Variants in DPP6 observed in about 807,000 individuals in gnomAD.
DPP6 encodes the protein A-type potassium channel modulatory protein DPP6.
Under a neutral mutation model 122.6 loss-of-function variants are expected in DPP6, and 69 were observed. That is an observed-to-expected ratio of 0.56 (90% CI 0.46 to 0.69). The LOEUF (loss-of-function observed/expected upper bound fraction) is 0.69, where lower values mean the gene tolerates loss of function less well. Ranked by LOEUF, DPP6 falls within the 30% of genes least tolerant of loss-of-function variation. DPP6 has a pLI of 0.00. For missense variants in DPP6, 928 were observed against 1,116.9 expected, an observed-to-expected ratio of 0.83 and a Z score of 2.41; for synonymous variants, 418 against 433.1, an observed-to-expected ratio of 0.97 and a Z score of 0.43.
At chr7:153,896,605 TACC>T (rs1799425219) in intron 1 of DPP6, among the ~76,000 whole-genome samples, 1 of 152,078 alleles carries the variant, frequency 6.6e-6, no homozygotes, top group African/African-American at 2.4e-5. Flanking sequence ...AGGAATTTGA[TACC>T]AGCCTGTGCA....
At chr7:154,830,474 G>A (rs548720618) in intron 16 of DPP6, among the ~76,000 whole-genome samples, 8 of 152,330 alleles carry the variant, frequency 5.3e-5, no homozygotes, top group South Asian at 2.1e-4. Flanking sequence ...CTGTATAAAC[G>A]TTGTGACATA....
intron 5 of DPP6, among the ~76,000 whole-genome samples, chr7:154,584,967 A>G (rs778626407): frequency 3.8e-4 from 58 of 152,186 alleles, no homozygotes; most frequent in Non-Finnish European, 6.0e-4. Context: ...GTGCAATTCT[A>G]TGAGCTTTAA....
At chr7:154,732,272 A>G (rs1253720868) in intron 8 of DPP6, among the ~76,000 whole-genome samples, 1 of 151,798 alleles carries the variant, frequency 6.6e-6, no homozygotes, top group Admixed American at 6.6e-5. Context: ...GGTCTCAGTC[A>G]TCTTCGTTAT....
At position 154,061,619 on chromosome 7, in the gene DPP6, G is replaced by C. The variant is rs11768992; in HGVS notation, c.243+8556G>C. Among the ~76,000 whole-genome samples, 77 of 129,590 alleles carry C rather than the reference G, an allele frequency of 5.9e-4. 6 individuals carry two copies. Among genetic ancestry groups the C allele is most frequent in the African/African-American group, 7.5e-4 (25 of 33,420 alleles). 85.0% of individuals were successfully genotyped at this position (129,590 alleles called of 152,430 possible). A position where few individuals can be genotyped will look rare whatever the true frequency, so the allele number is the denominator to read the frequency against. Reference sequence around the variant, plus strand: ...CTGGCTCTTGGGACTCCCATCACAGGGGGGGGAGGCACCCGCTGCGAGGCG... The same window carrying C: ...CTGGCTCTTGGGACTCCCATCACAGCGGGGGGAGGCACCCGCTGCGAGGCG... On this transcript the variant is annotated intron_variant, in intron 1 of 25. Coordinates refer to ENST00000377770, the MANE Select transcript of DPP6 (RefSeq NM_130797.4).
chr7:154,548,795 T>C (rs1432288281), intron 4 of DPP6, among the ~76,000 whole-genome samples: 2 of 152,182 alleles, frequency 1.3e-5, no homozygotes, highest in Non-Finnish European at 2.9e-5. Context: ...TTTAACATAA[T>C]ATATTTTGCA....
At chr7:154,574,040 T>C (rs1435569210) in intron 5 of DPP6, among the ~76,000 whole-genome samples, 3 of 152,278 alleles carry the variant, frequency 2.0e-5, no homozygotes, top group Non-Finnish European at 4.4e-5. Flanking sequence ...AAACTAACAA[T>C]TATTTTCTTG....
At chr7:153,960,639 G>T (rs185007555) in intron 1 of DPP6, among the ~76,000 whole-genome samples, 1 of 144,038 alleles carries the variant, frequency 6.9e-6, no homozygotes, top group Non-Finnish European at 1.5e-5. Context: ...GTCTGTGTGT[G>T]CACGTGTGTG....
At chr7:154,370,426 A>G (rs1442939065) in intron 1 of DPP6, among the ~76,000 whole-genome samples, 1 of 152,098 alleles carries the variant, frequency 6.6e-6, no homozygotes, top group Non-Finnish European at 1.5e-5. Flanking sequence ...GAGTGGTCTC[A>G]TGTTCATCAA....
At chr7:154,453,640 A>G (rs1820581352) in intron 2 of DPP6, among the ~76,000 whole-genome samples, 1 of 151,974 alleles carries the variant, frequency 6.6e-6, no homozygotes, top group South Asian at 2.1e-4. Context: ...TGTAATCAGC[A>G]TCCAGGCCAA....
At chr7:154,827,188 A>T (rs1584813327) in intron 16 of DPP6, among the ~76,000 whole-genome samples, 1 of 150,134 alleles carries the variant, frequency 6.7e-6, no homozygotes, top group Admixed American at 6.7e-5. Flanking sequence ...ACTGAAATCC[A>T]CCCCCTCCCA....
chr7:154,683,204 A>C (rs1839389925), intron 7 of DPP6, among the ~76,000 whole-genome samples: 1 of 152,170 alleles, frequency 6.6e-6, no homozygotes, highest in Admixed American at 6.5e-5. Flanking sequence ...AACGTACACT[A>C]TGCATGTTGG....
intron 7 of DPP6, among the ~76,000 whole-genome samples, chr7:154,691,665 A>G (rs1839937801): frequency 6.6e-6 from 1 of 152,066 alleles, no homozygotes; most frequent in African/African-American, 2.4e-5. Context: ...TAAAAATACA[A>G]AAAATTAGCC....
intron 7 of DPP6, among the ~76,000 whole-genome samples, chr7:154,710,692 C>T (rs932725149): frequency 6.6e-6 from 1 of 152,240 alleles, no homozygotes; most frequent in Non-Finnish European, 1.5e-5. Context: ...TCAGCAGGGT[C>T]TTCTAAAAGG....
intron 1 of DPP6, among the ~76,000 whole-genome samples, chr7:153,966,074 G>C (rs1162294810): frequency 7.9e-6 from 1 of 126,384 alleles, no homozygotes; most frequent in African/African-American, 2.9e-5. Context: ...TCATCCTGAC[G>C]TAGTGACAGA....
intron 1 of DPP6, among the ~76,000 whole-genome samples, chr7:154,121,227 C>A (rs1462721268): frequency 6.6e-6 from 1 of 152,284 alleles, no homozygotes; most frequent in East Asian, 1.9e-4. Context: ...ACGGACTAAT[C>A]CGGTAATATT....
intron 1 of DPP6, among the ~76,000 whole-genome samples, chr7:154,379,535 A>G (rs573454553): frequency 6.6e-6 from 1 of 152,354 alleles, no homozygotes; most frequent in Admixed American, 6.5e-5. Context: ...AATTTACCCC[A>G]CAAAAATGTG....
intron 1 of DPP6, among the ~76,000 whole-genome samples, chr7:154,214,616 G>T (rs1037523291): frequency 6.6e-6 from 1 of 152,128 alleles, no homozygotes; most frequent in Non-Finnish European, 1.5e-5. Context: ...AGTAAACTAG[G>T]GATAAAAATA....
chr7:154,191,235 G>A (rs1171135375), intron 1 of DPP6, among the ~76,000 whole-genome samples: 3 of 152,216 alleles, frequency 2.0e-5, no homozygotes, highest in African/African-American at 7.2e-5. Flanking sequence ...ATACTTGTAA[G>A]ATTTATAAAC....
intron 19 of DPP6, among the ~76,000 whole-genome samples, chr7:154,873,667 C>G (rs751759930): frequency 6.6e-6 from 1 of 152,196 alleles, no homozygotes; most frequent in Non-Finnish European, 1.5e-5. Flanking sequence ...TTGCAATTAA[C>G]CCACTTTCCT....
Sources: allele counts gnomAD v4.1 joint callset (sites outside exome capture counted in the v4.1 genomes callset), GRCh38; gene constraint gnomAD v4.1.1; transcripts MANE v1.5; gene names NCBI Gene and HGNC (gene_info 2026-07-23, HGNC 2026-07-21).